Variants in GLIS3 observed in about 807,000 individuals in gnomAD.
The protein encoded by GLIS3 is zinc finger protein GLIS3.
A neutral mutation model predicts 78.6 loss-of-function variants in GLIS3; 53 were observed. The observed-to-expected ratio is 0.67, with a 90% CI of 0.54 to 0.85. The LOEUF (loss-of-function observed/expected upper bound fraction) is 0.85. Ranked by LOEUF, GLIS3 falls within the 40% of genes least tolerant of loss-of-function variation. The probability of loss-of-function intolerance (pLI) is 0.00; values close to 1 mark genes in which losing one functional copy is unlikely to be tolerated. For missense variants in GLIS3, 1,703 were observed against 1,231.1 expected, an observed-to-expected ratio of 1.38 and a Z score of -5.74; for synonymous variants, 684 against 509.9, an observed-to-expected ratio of 1.34 and a Z score of -4.60.
the GLIS3 span, among the ~76,000 whole-genome samples, chr9:4,450,493 G>C: frequency 6.6e-6 from 1 of 152,138 alleles, no homozygotes; most frequent in Non-Finnish European, 1.5e-5. Flanking sequence ...AGGAAATACA[G>C]ACAATGCCAC....
chr9:3,922,049 A>C (rs1360605706), intron 6 of GLIS3, among the ~76,000 whole-genome samples: 1 of 152,186 alleles, frequency 6.6e-6, no homozygotes, highest in Non-Finnish European at 1.5e-5. Context: ...TCATTTTGGC[A>C]ATATGTTGTA....
chr9:3,981,029 A>C (rs4740746), intron 4 of GLIS3, among the ~76,000 whole-genome samples: 44,719 of 152,058 alleles, frequency 0.29, 6,896 homozygotes, highest in East Asian at 0.62. Context: ...GGCTGGACGA[A>C]CTGAAGAAAG....
At chr9:4,122,540 G>A (rs182687144) in intron 3 of GLIS3, among the ~76,000 whole-genome samples, 1 of 152,194 alleles carries the variant, frequency 6.6e-6, no homozygotes, top group East Asian at 1.9e-4. Context: ...TGCCTTTTTG[G>A]ATCTGGAATG....
the GLIS3 span, among the ~76,000 whole-genome samples, chr9:4,437,772 G>A: frequency 6.6e-6 from 1 of 152,070 alleles, no homozygotes; most frequent in African/African-American, 2.4e-5. Flanking sequence ...CAGCCTACTT[G>A]TTGTGAAGAC....
intron 8 of GLIS3, among the ~76,000 whole-genome samples, chr9:3,868,237 C>T (rs966157429): frequency 6.6e-6 from 1 of 152,178 alleles, no homozygotes; most frequent in Non-Finnish European, 1.5e-5. Flanking sequence ...TAAGATGACA[C>T]GCAGTCGTGC....
At chr9:4,363,270 A>G in the GLIS3 span, among the ~76,000 whole-genome samples, 18 of 152,134 alleles carry the variant, frequency 1.2e-4, no homozygotes, top group Non-Finnish European at 2.4e-4. Context: ...TAAAAATACA[A>G]AAATTAGCCA....
At chr9:3,849,141 A>G (rs2130159203) in intron 9 of GLIS3, among the ~76,000 whole-genome samples, 1 of 152,194 alleles carries the variant, frequency 6.6e-6, no homozygotes, top group South Asian at 2.1e-4. Context: ...GAGGGATGCA[A>G]AATAAGAGCA....
chr9:4,326,214 G>C (rs1426628199), intron 2 of GLIS3, among the ~76,000 whole-genome samples: 2 of 152,206 alleles, frequency 1.3e-5, no homozygotes, highest in Non-Finnish European at 1.5e-5. Flanking sequence ...TAAAATAAAA[G>C]TTGAAGAAAA....
chr9:4,174,223 A>G (rs908492539), intron 2 of GLIS3, among the ~76,000 whole-genome samples: 8 of 152,246 alleles, frequency 5.3e-5, no homozygotes, highest in Admixed American at 2.0e-4. Flanking sequence ...TCATATTACA[A>G]TAAGCTGCAT....
chr9:4,065,596 T>C (rs1393054416), intron 4 of GLIS3, among the ~76,000 whole-genome samples: 1 of 152,208 alleles, frequency 6.6e-6, no homozygotes, highest in Non-Finnish European at 1.5e-5. Flanking sequence ...AAAACAGCAC[T>C]GTTATGTATT....
At chr9:3,880,625 AAG>A (rs1365590764) in intron 7 of GLIS3, among the ~76,000 whole-genome samples, 1 of 152,208 alleles carries the variant, frequency 6.6e-6, no homozygotes, top group South Asian at 2.1e-4. Flanking sequence ...AGGATTAAGA[AAG>A]AGAAGCCACA....
At chr9:4,084,475 G>C (rs4741888) in intron 4 of GLIS3, among the ~76,000 whole-genome samples, 42 of 152,264 alleles carry the variant, frequency 2.8e-4, no homozygotes, top group Non-Finnish European at 4.7e-4. Context: ...AGAAGAAACA[G>C]CCACGGGAAA....
At chr9:4,046,543 G>A (rs1482161836) in intron 4 of GLIS3, among the ~76,000 whole-genome samples, 2 of 152,176 alleles carry the variant, frequency 1.3e-5, no homozygotes, top group East Asian at 1.9e-4. Context: ...GGTCAAAGGT[G>A]GGGCCAGCAA....
At chr9:4,296,968 C>G (rs1168740436) in intron 1 of GLIS3, among the ~76,000 whole-genome samples, 3 of 147,944 alleles carry the variant, frequency 2.0e-5, no homozygotes, top group African/African-American at 5.0e-5. Context: ...TTGCTTCAAA[C>G]TTTCTCAGAA....
rs1202061141 is a variant in GLIS3 at position 3,937,113 on chromosome 9, G to A, written c.1787C>T (p.Pro596Leu). 2.5e-6 allele frequency: 4 copies of A among 1,614,040 alleles called. No individual in the cohort carries two copies. Among genetic ancestry groups the A allele is most frequent in the East Asian group, 2.2e-5 (1 of 44,886 alleles). The change falls in exon 5 of 11, where the codon CCG becomes CTG. Residue 596 changes from proline to leucine, a missense_variant. Transcript: ENST00000381971. ...IHLRSHTGEK[P>L]YLCQHPGCQK... ...ACAACCCGGATGCTGGCACAAATACGGCTTCTCGCCTGTGTGGCTCCGCAA... is the reference window on the plus strand; with the variant it reads ...ACAACCCGGATGCTGGCACAAATACAGCTTCTCGCCTGTGTGGCTCCGCAA...
rs1001215276 is a variant in GLIS3, at chr9:4,216,281, G to C, written c.388+69757C>G. Among the ~76,000 whole-genome samples, 55 of 151,942 alleles carry C rather than the reference G, an allele frequency of 3.6e-4. 1 individual carries two copies. Among genetic ancestry groups the C allele is most frequent in the Non-Finnish European group, 2.9e-5 (2 of 67,920 alleles). ...AGGTCAGGAAATCGAGACCATCCTGGCTAACATGGTGAAACCCCGCCTCTA... is the reference window on the plus strand; with the variant it reads ...AGGTCAGGAAATCGAGACCATCCTGCCTAACATGGTGAAACCCCGCCTCTA... On this transcript the variant is annotated intron_variant, in intron 2 of 10. Transcript: ENST00000381971.
chr9:3,998,252 G>A (rs574506496), intron 4 of GLIS3, among the ~76,000 whole-genome samples: 5 of 152,180 alleles, frequency 3.3e-5, no homozygotes, highest in South Asian at 2.1e-4. Context: ...GGTAGAAAAC[G>A]GTACTTAGAA....
At chr9:4,477,800 A>G in the GLIS3 span, among the ~76,000 whole-genome samples, 23 of 152,306 alleles carry the variant, frequency 1.5e-4, no homozygotes, top group African/African-American at 5.5e-4. Flanking sequence ...CTGCAGAGTA[A>G]TATGAATGTA....
At chr9:4,290,774 A>T (rs1563907239) in intron 1 of GLIS3, among the ~76,000 whole-genome samples, 1 of 152,182 alleles carries the variant, frequency 6.6e-6, no homozygotes, top group African/African-American at 2.4e-5. Context: ...GCTATATTAG[A>T]TGTCACCAAT....
Sources: gnomAD v4.1 joint callset for allele counts (sites outside exome capture counted in the v4.1 genomes callset) on GRCh38, gnomAD v4.1.1 for gene constraint, MANE v1.5 for transcripts, NCBI Gene and HGNC (gene_info 2026-07-23, HGNC 2026-07-21) for gene names.